PPP1R1C: variants seen among roughly 807,000 people sequenced by gnomAD.
PPP1R1C encodes the protein protein phosphatase 1 regulatory subunit 1C.
A neutral mutation model predicts 17.4 loss-of-function variants in PPP1R1C; 15 were observed. That is an observed-to-expected ratio of 0.86 (90% CI 0.58 to 1.33). The LOEUF is 1.33. Ranked by LOEUF, PPP1R1C falls within the 40% of genes most tolerant of loss-of-function variation. The pLI, the probability that PPP1R1C is intolerant of heterozygous loss-of-function variation, is 0.00. For missense variants in PPP1R1C, 143 were observed against 130.0 expected (o/e 1.10, Z -0.48); for synonymous variants, 35 against 43.1 (o/e 0.81, Z 0.73).
intron 4 of PPP1R1C, among the ~76,000 whole-genome samples, chr2:182,104,144 T>G (rs2125229463): frequency 6.6e-6 from 1 of 152,238 alleles, no homozygotes; most frequent in East Asian, 1.9e-4. Flanking sequence ...TCATGTTGTC[T>G]GCAAACAAGG....
At position 181,991,575 on chromosome 2, in the gene PPP1R1C, A is replaced by G. The variant is rs532083059; in HGVS notation, c.142+3676A>G. Among the ~76,000 whole-genome samples the G allele has an allele frequency of 1.8e-3, 272 of 152,320 alleles. 3 individuals carry two copies. The highest frequency in any genetic ancestry group is 6.3e-3 in the African/African-American group (263 of 41,584). ...AGAAACAATGTATTTGCTCCTAGGA[A>G]TAACTCTCAACAGTCAGGTGGCAGC... On this transcript the variant is annotated intron_variant, in intron 2 of 4. Coordinates refer to ENST00000682840, the MANE Select transcript of PPP1R1C (RefSeq NM_001080545.3).
rs752453130 is a variant in PPP1R1C, at chr2:181,987,929, T to G, written c.142+30T>G. 6 of 1,550,648 alleles carry G rather than the reference T, an allele frequency of 3.9e-6. No homozygotes were observed. The African/African-American group carries it at 6.8e-5, about 18-fold the overall frequency. On this transcript the variant is annotated intron_variant, in intron 2 of 4. Coordinates refer to ENST00000682840, the MANE Select transcript of PPP1R1C (RefSeq NM_001080545.3). Reference sequence around the variant, plus strand: ...AGAAGCATGATGTGTTTCACACTGATGGAACAGAATGGAATTGTTTAAAGA... The same window carrying G: ...AGAAGCATGATGTGTTTCACACTGAGGGAACAGAATGGAATTGTTTAAAGA...
intron 4 of PPP1R1C, among the ~76,000 whole-genome samples, chr2:182,103,154 G>T (rs1336038753): frequency 1.3e-5 from 2 of 152,074 alleles, no homozygotes; most frequent in Non-Finnish European, 2.9e-5. Context: ...TTGGGGGGAG[G>T]TTCTGATTTT....
chr2:182,105,083 A>G (rs1052149649), intron 4 of PPP1R1C, among the ~76,000 whole-genome samples: 1 of 152,186 alleles, frequency 6.6e-6, no homozygotes, highest in Non-Finnish European at 1.5e-5. Context: ...AGGGGTGGAA[A>G]AAAAATGAAG....
At chr2:181,997,165 C>T (rs931262732) in intron 2 of PPP1R1C, among the ~76,000 whole-genome samples, 1 of 150,314 alleles carries the variant, frequency 6.7e-6, no homozygotes, top group Non-Finnish European at 1.5e-5. Flanking sequence ...GGAGGCGGAG[C>T]TTGCAGTGAA....
intron 2 of PPP1R1C, among the ~76,000 whole-genome samples, chr2:181,977,475 C>T (rs967015616): frequency 6.6e-6 from 1 of 152,054 alleles, no homozygotes; most frequent in Non-Finnish European, 1.5e-5. Context: ...TTGCATTCCA[C>T]AAACTGCTTG....
intron 1 of PPP1R1C, among the ~76,000 whole-genome samples, chr2:181,964,542 A>G (rs945596449): frequency 1.3e-5 from 2 of 152,184 alleles, no homozygotes; most frequent in Non-Finnish European, 2.9e-5. Flanking sequence ...AGGAACCTCC[A>G]TACTATTCTC....
chr2:182,123,107 G>A (rs1275399664), intron 5 of PPP1R1C, among the ~76,000 whole-genome samples: 1 of 152,148 alleles, frequency 6.6e-6, no homozygotes, highest in Non-Finnish European at 1.5e-5. Flanking sequence ...TGTGGTGTTT[G>A]CTTTTCTGTT....
Position 182,072,389 on chromosome 2 carries a change from T to C in PPP1R1C, c.241+8598T>C, listed in dbSNP as rs140953749. Among the ~76,000 whole-genome samples, 313 of 152,334 alleles carry C rather than the reference T, an allele frequency of 2.1e-3. No individual in the cohort carries two copies. The South Asian group carries it at 0.031, about 15-fold the overall frequency. ...AAATCAAAGATTTTAAAAAAGATGT[T>C]TATAATACCTTACAGTTGTGTAGTG... On this transcript the variant is annotated intron_variant, in intron 4 of 4. Transcript: ENST00000682840.
chr2:182,007,911 A>T (rs889326236), intron 2 of PPP1R1C, among the ~76,000 whole-genome samples: 3 of 152,012 alleles, frequency 2.0e-5, no homozygotes, highest in South Asian at 2.1e-4. Context: ...AAATAATTTT[A>T]AAAAAACTTA....
At chr2:182,116,424 C>T (rs1166232353) in intron 4 of PPP1R1C, among the ~76,000 whole-genome samples, 2 of 152,000 alleles carry the variant, frequency 1.3e-5, no homozygotes, top group African/African-American at 4.8e-5. Flanking sequence ...AGAGAGGAGG[C>T]AAGCTGACAC....
At chr2:182,062,163 G>A (rs917282803) in intron 3 of PPP1R1C, among the ~76,000 whole-genome samples, 2 of 152,038 alleles carry the variant, frequency 1.3e-5, no homozygotes, top group African/African-American at 2.4e-5. Flanking sequence ...TCCCTTGATC[G>A]TAGGTGTAGG....
intron 4 of PPP1R1C, among the ~76,000 whole-genome samples, chr2:182,065,159 GA>G (rs1687951616): frequency 6.6e-6 from 1 of 152,036 alleles, no homozygotes; most frequent in Non-Finnish European, 1.5e-5. Context: ...GTCTCCCCGA[GA>G]TACTCATTTA....
chr2:181,964,858 A>G (rs1334606944), intron 1 of PPP1R1C, among the ~76,000 whole-genome samples: 2 of 152,190 alleles, frequency 1.3e-5, no homozygotes. Flanking sequence ...GCAGCCTGCC[A>G]CCATGCCTGG....
chr2:182,108,536 C>T (rs990026218), intron 4 of PPP1R1C, among the ~76,000 whole-genome samples: 3 of 152,086 alleles, frequency 2.0e-5, no homozygotes, highest in African/African-American at 7.2e-5. Flanking sequence ...TACCTGAGCC[C>T]AGAATTCTCT....
chr2:181,956,311 G>C (rs537284773), intron 1 of PPP1R1C, among the ~76,000 whole-genome samples: 28 of 152,310 alleles, frequency 1.8e-4, no homozygotes, highest in Admixed American at 1.8e-3. Flanking sequence ...ATGGGCATTT[G>C]GGTTGGTTCC....
At chr2:182,126,355 A>G in intron 5 of PPP1R1C, among the ~76,000 whole-genome samples, 1 of 152,200 alleles carries the variant, frequency 6.6e-6, no homozygotes, top group Middle Eastern at 3.4e-3. Context: ...TAACTCAGTG[A>G]TTCCAAAAAC....
At chr2:182,054,182 T>C (rs1687613828) in intron 2 of PPP1R1C, among the ~76,000 whole-genome samples, 1 of 152,242 alleles carries the variant, frequency 6.6e-6, no homozygotes, top group African/African-American at 2.4e-5. Context: ...CTTTTAACTT[T>C]TAATTTGGAA....
intron 4 of PPP1R1C, among the ~76,000 whole-genome samples, chr2:182,079,550 G>T (rs973980741): frequency 6.6e-6 from 1 of 152,174 alleles, no homozygotes; most frequent in African/African-American, 2.4e-5. Flanking sequence ...TTGAGAGAGT[G>T]GGTTGGATGC....
Sources: gnomAD v4.1 joint callset for allele counts (sites outside exome capture counted in the v4.1 genomes callset) on GRCh38, gnomAD v4.1.1 for gene constraint, MANE v1.5 for transcripts, NCBI Gene and HGNC (gene_info 2026-07-23, HGNC 2026-07-21) for gene names.